DTWD1: variants seen among roughly 807,000 people sequenced by gnomAD.
DTWD1 encodes the protein DTW motif tRNA-uridine aminocarboxypropyltransferase 1, also known as tRNA-uridine aminocarboxypropyltransferase 1.
In DTWD1, 27 loss-of-function variants were observed where a neutral mutation model predicts 30.2. The observed-to-expected ratio is 0.90, with a 90% CI of 0.66 to 1.23. The LOEUF (loss-of-function observed/expected upper bound fraction) is 1.23. Ranked by LOEUF, DTWD1 falls within the 50% of genes most tolerant of loss-of-function variation. The pLI is 0.00. For missense variants in DTWD1, 342 were observed against 348.8 expected (o/e 0.98, Z 0.15); for synonymous variants, 99 against 113.1 (o/e 0.88, Z 0.79).
chr15:49,649,679 A>C lies in DTWD1; in HGVS notation c.*6101A>C, dbSNP rs1197308336. On this transcript the variant is annotated 3_prime_UTR_variant, in exon 5 of 5. Transcript: ENST00000403028. ...TTAGAACCTGGGAGGCAGAAGTTGT[A>C]GTGAGCCGAGATGGTGCCATTGCAC... The C allele has an allele frequency of 6.6e-6, 1 of 152,352 alleles. No homozygotes were observed. The highest frequency in any genetic ancestry group is 1.5e-5 in the Non-Finnish European group (1 of 68,164). The allele number at this position is 152,352 out of a possible 1,614,324, so 9.4% of individuals were successfully genotyped here.
Position 49,646,620 on chromosome 15 carries a change from C to G in DTWD1, c.*3042C>G, listed in dbSNP as rs1388655819. 1 of 152,250 alleles carries G rather than the reference C, an allele frequency of 6.6e-6. No individual in the cohort carries two copies. The highest frequency in any genetic ancestry group is 2.4e-5 in the African/African-American group (1 of 41,444). 9.4% of individuals were successfully genotyped at this position (152,250 alleles called of 1,614,324 possible). ...ACTTGGATCAATGGACTAGAAAAAGCTGCTGGGTAAATTGCTCTTCTTCTG... is the reference window on the plus strand; with the variant it reads ...ACTTGGATCAATGGACTAGAAAAAGGTGCTGGGTAAATTGCTCTTCTTCTG... On this transcript the variant is annotated 3_prime_UTR_variant, in exon 5 of 5. Coordinates refer to ENST00000403028, the MANE Select transcript of DTWD1 (RefSeq NM_001144955.2).
chr15:49,635,361 A>G (rs1435767885), intron 4 of DTWD1, among the ~76,000 whole-genome samples: 3 of 152,092 alleles, frequency 2.0e-5, no homozygotes, highest in Non-Finnish European at 4.4e-5. Flanking sequence ...AAGAATAAGA[A>G]TATTCTCCTA....
In DTWD1 at chr15:49,655,454, T is replaced by C. The variant is rs1486438214; in HGVS notation, c.*11876T>C. The C allele has an allele frequency of 6.6e-6, 1 of 152,026 alleles. No individual in the cohort carries two copies. Among genetic ancestry groups the C allele is most frequent in the Non-Finnish European group, 1.5e-5 (1 of 67,980 alleles). The allele number at this position is 152,026 out of a possible 1,614,324, so 9.4% of individuals were successfully genotyped here. On this transcript the variant is annotated 3_prime_UTR_variant, in exon 5 of 5. Transcript: ENST00000403028. ...TTTTTTCATACTCCCGTGTTTTTTT[T>C]AGTCCATGCTGGTGGTATCCTCATC... is the stretch of plus-strand genomic sequence containing the variant.
intron 1 of DTWD1, chr15:49,623,790 T>G (rs899890423): frequency 6.6e-6 from 1 of 152,184 alleles, no homozygotes; most frequent in Non-Finnish European, 1.5e-5. Context: ...CAAAGCCATT[T>G]TTAGGCAGGT....
chr15:49,632,168 A>G lies in DTWD1; in HGVS notation c.274A>G (p.Lys92Glu). The change falls in exon 3 of 5, where the codon AAG becomes GAG. Residue 92 changes from lysine (K) to glutamate (E), a missense_variant. By Grantham distance (56) the Lys-to-Glu change is moderately conservative (BLOSUM62 1). Transcript: ENST00000403028. ...CTTTTTTTACCTTTAGCTTCCATTG[A>G]AGATTGACATCATTAAACATCCAAA... ...EQIPLVKLPL[K>E]IDIIKHPNET... 5 of 1,565,982 alleles carry G rather than the reference A, an allele frequency of 3.2e-6. No homozygotes were observed. Among genetic ancestry groups the G allele is most frequent in the African/African-American group, 1.4e-5 (1 of 72,450 alleles).
chr15:49,628,922 G>A (rs1253205902), intron 2 of DTWD1, among the ~76,000 whole-genome samples: 2 of 151,912 alleles, frequency 1.3e-5, no homozygotes, highest in African/African-American at 2.4e-5. Flanking sequence ...ATACACATGT[G>A]CCCTGGTAGT....
chr15:49,634,376 A>C (rs1024702587), intron 3 of DTWD1, among the ~76,000 whole-genome samples, 160 bp from the exon 4 acceptor site: 2 of 152,224 alleles, frequency 1.3e-5, no homozygotes, highest in Middle Eastern at 3.4e-3. Context: ...GAGAGCCAAA[A>C]ACTTTACCAT....
At position 49,646,563 on chromosome 15, in the gene DTWD1, C is replaced by T. The variant is rs915627315; in HGVS notation, c.*2985C>T. On this transcript the variant is annotated 3_prime_UTR_variant, in exon 5 of 5. Transcript: ENST00000403028. ...TGTTAAAAGGGCTAGGCGATGTAGTCTGGTAGGTTTGTGAAGTTAACTGTC... is the reference window on the plus strand; with the variant it reads ...TGTTAAAAGGGCTAGGCGATGTAGTTTGGTAGGTTTGTGAAGTTAACTGTC... 6.6e-6 allele frequency: 1 copy of T among 152,236 alleles called. No homozygotes were observed. The highest frequency in any genetic ancestry group is 2.1e-4 in the South Asian group (1 of 4,828). 9.4% of individuals were successfully genotyped at this position (152,236 alleles called of 1,614,324 possible).
In DTWD1 at chr15:49,625,236, A is replaced by G. The variant is rs1598639851; in HGVS notation, c.69A>G (p.Lys23=). Reference sequence around the variant, plus strand: ...ATAGTTCAAAATTTGTGGAAACAAAACAGTCACAAACTACTTCCATAGCTT... The same window carrying G: ...ATAGTTCAAAATTTGTGGAAACAAAGCAGTCACAAACTACTTCCATAGCTT... ...EENSSKFVET[K]QSQTTSIASE... Residue 23 remains lysine (K), a synonymous_variant, in exon 2 of 5, where the codon AAA becomes AAG. Transcript: ENST00000403028. 1 of 1,613,430 alleles carries G rather than the reference A, an allele frequency of 6.2e-7. No individual in the cohort carries two copies. The highest frequency in any genetic ancestry group is 2.2e-5 in the East Asian group (1 of 44,798).
At chr15:49,638,949 T>C (rs1365319563) in intron 4 of DTWD1, among the ~76,000 whole-genome samples, 1 of 152,202 alleles carries the variant, frequency 6.6e-6, no homozygotes, top group Non-Finnish European at 1.5e-5. Context: ...TGTTTCTTTT[T>C]GTTGGATGTG....
chr15:49,643,304 T>C lies in DTWD1; in HGVS notation c.668-27T>C. The C allele has an allele frequency of 4.2e-6, 6 of 1,441,448 alleles. No individual in the cohort carries two copies. The South Asian group carries it at 5.8e-5, about 14-fold the overall frequency. The allele number at this position is 1,441,448 out of a possible 1,614,324, so 89.3% of individuals were successfully genotyped here. A position where few individuals can be genotyped will look rare whatever the true frequency, so the allele number is the denominator to read the frequency against. On this transcript the variant is annotated intron_variant, in intron 4 of 4. Coordinates refer to ENST00000403028, the MANE Select transcript of DTWD1 (RefSeq NM_001144955.2). Reference sequence around the variant, plus strand: ...ATATTTATATTTTTTCTTTCTTTCTTTCTTTTTTTTTTTTTTTTTTTGACA... The same window carrying C: ...ATATTTATATTTTTTCTTTCTTTCTCTCTTTTTTTTTTTTTTTTTTTGACA...
At chr15:49,625,543 A>G (rs2078831209) in intron 2 of DTWD1, 112 bp downstream of exon 2, 6 of 1,155,202 alleles carry the variant, frequency 5.2e-6, no homozygotes, top group Non-Finnish European at 7.1e-6. Flanking sequence ...ATTGTTAGAA[A>G]CAAGTGCTTG....
At chr15:49,642,764 A>G (rs866878387) in intron 4 of DTWD1, among the ~76,000 whole-genome samples, 1 of 151,782 alleles carries the variant, frequency 6.6e-6, no homozygotes, top group Middle Eastern at 3.4e-3. Flanking sequence ...AAAAAAAAAT[A>G]AAAATAAAAA....
chr15:49,630,798 A>G, intron 2 of DTWD1: 1 of 176,636 alleles, frequency 5.7e-6, no homozygotes, highest in Non-Finnish European at 1.2e-5. Context: ...CTGGAGAGCA[A>G]GCGAAGCTTC....
intron 4 of DTWD1, among the ~76,000 whole-genome samples, chr15:49,635,814 T>C (rs1053985722): frequency 6.6e-6 from 1 of 152,100 alleles, no homozygotes; most frequent in Non-Finnish European, 1.5e-5. Context: ...TTTTTAAAAA[T>C]AACTTTTTTG....
At chr15:49,624,787 G>C (rs932791660) in intron 1 of DTWD1, among the ~76,000 whole-genome samples, 3 of 152,130 alleles carry the variant, frequency 2.0e-5, no homozygotes, top group Non-Finnish European at 2.9e-5. Context: ...CAAAGTCAGA[G>C]CCAACAGGGT....
chr15:49,640,513 G>A (rs1180301387), intron 4 of DTWD1, among the ~76,000 whole-genome samples: 1 of 152,066 alleles, frequency 6.6e-6, no homozygotes, highest in African/African-American at 2.4e-5. Context: ...ATGCCAAATT[G>A]TTTTTCAAAG....
At chr15:49,638,630 G>A (rs535691562) in intron 4 of DTWD1, among the ~76,000 whole-genome samples, 3 of 152,054 alleles carry the variant, frequency 2.0e-5, no homozygotes, top group Non-Finnish European at 2.9e-5. Flanking sequence ...TCGTCATTTC[G>A]TGAGATTAAT....
chr15:49,634,905 G>A (rs1374796796), intron 4 of DTWD1, 111 bp downstream of exon 4: 3 of 997,136 alleles, frequency 3.0e-6, no homozygotes, highest in African/African-American at 3.3e-5. Context: ...TATACATTTT[G>A]CCATATTTAC....
Sources: allele counts gnomAD v4.1 joint callset (sites outside exome capture counted in the v4.1 genomes callset), GRCh38; gene constraint gnomAD v4.1.1; transcripts MANE v1.5; gene names NCBI Gene and HGNC (gene_info 2026-07-23, HGNC 2026-07-21).